The following TMSB15B variants were observed in gnomAD, a reference collection of about 807,000 sequenced individuals.
TMSB15B encodes thymosin beta-15B.
At chrX:103,943,103 C>T (rs782099273) in intron 1 of TMSB15B, among the ~76,000 whole-genome samples, 6 of 111,658 alleles carry the variant, frequency 5.4e-5, no homozygotes, top group Non-Finnish European at 1.1e-4. Context: ...AGATAGAGTA[C>T]ATGAAAGCTC....
intron 1 of TMSB15B, among the ~76,000 whole-genome samples, chrX:103,944,471 C>A (rs1556326641): frequency 8.9e-6 from 1 of 112,301 alleles, no homozygotes; most frequent in Admixed American, 9.4e-5. Context: ...AAGGTGGGAA[C>A]TCAAACATTT....
chrX:103,928,659 G>T, intron 1 of TMSB15B: 1 of 1,155,509 alleles, frequency 8.7e-7, no homozygotes, highest in Admixed American at 2.2e-5. Flanking sequence ...ACAGCCTGGG[G>T]AGCACTCTAT....
At chrX:103,944,386 G>A (rs2075019984) in intron 1 of TMSB15B, among the ~76,000 whole-genome samples, 1 of 112,244 alleles carries the variant, frequency 8.9e-6, no homozygotes, top group Non-Finnish European at 1.9e-5. Flanking sequence ...GTAAGTTGTA[G>A]AATCTGGACA....
chrX:103,939,600 C>T (rs1193575886), intron 1 of TMSB15B, among the ~76,000 whole-genome samples: 1 of 110,811 alleles, frequency 9.0e-6, no homozygotes, highest in Non-Finnish European at 1.9e-5. Flanking sequence ...TGGGTTAGAA[C>T]ATGCTCCTTT....
chrX:103,920,006 G>A (rs1252586653), intron 1 of TMSB15B, among the ~76,000 whole-genome samples: 4 of 111,821 alleles, frequency 3.6e-5, no homozygotes, highest in Non-Finnish European at 7.5e-5. Context: ...GGAAGATGAA[G>A]GCAACCTTTA....
At chrX:103,921,103 C>T (rs1168241217) in intron 1 of TMSB15B, among the ~76,000 whole-genome samples, 1 of 112,207 alleles carries the variant, frequency 8.9e-6, no homozygotes, top group African/African-American at 3.2e-5. Context: ...TTTCCACCCT[C>T]TTATTTACAA....
chrX:103,947,386 T>C (rs1489992818), intron 1 of TMSB15B, among the ~76,000 whole-genome samples: 2 of 111,541 alleles, frequency 1.8e-5, no homozygotes, highest in African/African-American at 6.5e-5. Flanking sequence ...AAAAGAAGCT[T>C]ATGGCAGGGA....
chrX:103,946,291 A>G (rs1556327393), intron 1 of TMSB15B, among the ~76,000 whole-genome samples: 1 of 112,119 alleles, frequency 8.9e-6, no homozygotes, highest in Non-Finnish European at 1.9e-5. Context: ...ACATGGAAAT[A>G]AACCTGCTGT....
intron 1 of TMSB15B, chrX:103,928,141 A>G (rs1269612126): frequency 5.5e-5 from 64 of 1,154,825 alleles, no homozygotes; most frequent in East Asian, 5.4e-4. Context: ...TTCAGCACAG[A>G]ACACAAGCAG....
chrX:103,940,260 G>A (rs1313151802), intron 1 of TMSB15B, among the ~76,000 whole-genome samples: 1 of 112,224 alleles, frequency 8.9e-6, no homozygotes, highest in Non-Finnish European at 1.9e-5. Context: ...GCCCACAGCC[G>A]CCCCTTCTCC....
intron 1 of TMSB15B, among the ~76,000 whole-genome samples, chrX:103,933,293 A>G (rs1278704824): frequency 9.0e-6 from 1 of 111,329 alleles, no homozygotes; most frequent in Non-Finnish European, 1.9e-5. Context: ...TGGTTCTTTC[A>G]TATCATCTTT....
intron 1 of TMSB15B, among the ~76,000 whole-genome samples, chrX:103,940,833 G>A (rs1320537919): frequency 2.7e-5 from 3 of 111,914 alleles, no homozygotes; most frequent in South Asian, 3.8e-4. Context: ...CCCAGGGCCC[G>A]TGTGGTGTAG....
At chrX:103,928,070 T>C in intron 1 of TMSB15B, 2 of 960,703 alleles carry the variant, frequency 2.1e-6, no homozygotes, top group Non-Finnish European at 2.8e-6. Flanking sequence ...TGCCAGTTTC[T>C]TCCACCTGCA....
At chrX:103,940,662 A>T (rs1462097339) in intron 1 of TMSB15B, among the ~76,000 whole-genome samples, 1 of 111,246 alleles carries the variant, frequency 9.0e-6, no homozygotes, top group Non-Finnish European at 1.9e-5. Context: ...TTCCAGAAGA[A>T]TGAATGGTTC....
At chrX:103,952,552 G>T (rs1459761129) in intron 1 of TMSB15B, among the ~76,000 whole-genome samples, 1 of 111,306 alleles carries the variant, frequency 9.0e-6, no homozygotes, top group East Asian at 2.8e-4. Context: ...GACTATGGAG[G>T]ATTAGCAAGG....
intron 1 of TMSB15B, among the ~76,000 whole-genome samples, chrX:103,955,917 G>A (rs5945866): frequency 0.31 from 34,847 of 110,707 alleles, 4,878 homozygotes; most frequent in Middle Eastern, 0.52. Context: ...CACCTGCAAA[G>A]TGAAGCCCAT....
chrX:103,949,567 C>G (rs1384774205), intron 1 of TMSB15B, among the ~76,000 whole-genome samples: 4 of 111,981 alleles, frequency 3.6e-5, no homozygotes, highest in Non-Finnish European at 7.5e-5. Flanking sequence ...GTTTTTGACT[C>G]AAGCCAATGT....
chrX:103,943,553 A>G (rs1467228260), intron 1 of TMSB15B, among the ~76,000 whole-genome samples: 1 of 112,226 alleles, frequency 8.9e-6, no homozygotes, highest in Non-Finnish European at 1.9e-5. Flanking sequence ...AACTCTTTTT[A>G]TTGGCTCTTC....
intron 1 of TMSB15B, among the ~76,000 whole-genome samples, chrX:103,923,489 G>A (rs782134164): frequency 1.8e-5 from 2 of 111,479 alleles, no homozygotes; most frequent in East Asian, 2.8e-4. Context: ...TTTTTGTCAG[G>A]TTTGTCAAAG....
Sources: allele counts gnomAD v4.1 joint callset (sites outside exome capture counted in the v4.1 genomes callset), GRCh38; gene constraint gnomAD v4.1.1; transcripts MANE v1.5; gene names NCBI Gene and HGNC (gene_info 2026-07-23, HGNC 2026-07-21).